Variants in ZFAND6 observed in about 807,000 individuals in gnomAD.
ZFAND6 encodes the protein AN1-type zinc finger protein 6.
Under a neutral mutation model 24.5 loss-of-function variants are expected in ZFAND6, and 12 were observed. The observed-to-expected ratio is 0.49, with a 90% CI of 0.31 to 0.79. The LOEUF (loss-of-function observed/expected upper bound fraction) is 0.79, where lower values mean the gene tolerates loss of function less well. ZFAND6 is among the 30% of genes least tolerant of loss of function. The probability of loss-of-function intolerance (pLI) is 0.04; values close to 1 mark genes in which losing one functional copy is unlikely to be tolerated. For synonymous variants in ZFAND6, 92 were observed against 81.5 expected (o/e 1.13, Z -0.69); for missense variants, 207 against 245.9 (o/e 0.84, Z 1.06).
chr15:80,133,152 T>C (rs965702435), intron 6 of ZFAND6, among the ~76,000 whole-genome samples: 2 of 151,882 alleles, frequency 1.3e-5, no homozygotes, highest in Non-Finnish European at 2.9e-5. Context: ...AGCTGGAGAC[T>C]TTAATGCCAG....
intron 1 of ZFAND6, among the ~76,000 whole-genome samples, chr15:80,070,592 A>T (rs2036921069): frequency 6.6e-6 from 1 of 152,186 alleles, no homozygotes; most frequent in African/African-American, 2.4e-5. Context: ...TCTTAAAATG[A>T]TCCGGAATCA....
At chr15:80,103,172 T>C (rs920104094) in intron 2 of ZFAND6, among the ~76,000 whole-genome samples, 4 of 152,214 alleles carry the variant, frequency 2.6e-5, no homozygotes, top group Admixed American at 6.5e-5. Flanking sequence ...GAATGGCATG[T>C]GTAACTTCAG....
chr15:80,117,697 A>T (rs1167542514), intron 2 of ZFAND6, among the ~76,000 whole-genome samples: 1 of 152,180 alleles, frequency 6.6e-6, no homozygotes, highest in Middle Eastern at 3.2e-3. Context: ...CCGGTTTGTC[A>T]TGTAAAATGT....
chr15:80,063,346 G>A (rs2036434455), intron 1 of ZFAND6, among the ~76,000 whole-genome samples: 1 of 152,086 alleles, frequency 6.6e-6, no homozygotes, highest in Non-Finnish European at 1.5e-5. Flanking sequence ...AATTTGGTGT[G>A]TATTTTCCAC....
chr15:80,123,468 A>G (rs1158446148), intron 5 of ZFAND6, among the ~76,000 whole-genome samples: 2 of 152,232 alleles, frequency 1.3e-5, no homozygotes, highest in Non-Finnish European at 2.9e-5. Context: ...GTAACAAGGA[A>G]GGATCTCTGG....
At chr15:80,066,604 C>T (rs1477720414) in intron 1 of ZFAND6, among the ~76,000 whole-genome samples, 3 of 152,172 alleles carry the variant, frequency 2.0e-5, no homozygotes, top group African/African-American at 7.2e-5. Context: ...TGAGCCACCA[C>T]GCCCAGCCGA....
At chr15:80,107,874 G>C (rs2039417245) in intron 2 of ZFAND6, among the ~76,000 whole-genome samples, 1 of 148,660 alleles carries the variant, frequency 6.7e-6, no homozygotes, top group Non-Finnish European at 1.5e-5. Flanking sequence ...GGGTTGGGAG[G>C]GCAGCGGGGA....
chr15:80,136,992 G>T (rs1396665910), intron 6 of ZFAND6, among the ~76,000 whole-genome samples: 1 of 152,162 alleles, frequency 6.6e-6, no homozygotes, highest in Admixed American at 6.5e-5. Context: ...TCTAGATCCC[G>T]TGCTCTTCAC....
At chr15:80,069,623 GTTATTTATTTAT>G (rs59745016) in intron 1 of ZFAND6, among the ~76,000 whole-genome samples, 3 of 151,380 alleles carry the variant, frequency 2.0e-5, no homozygotes, top group African/African-American at 7.3e-5. Context: ...TTTATTTTTT[GTTATTTATTTAT>G]TTATTTATTT....
At position 80,137,495 on chromosome 15, in the gene ZFAND6, G is replaced by A. The variant is rs1004449731; in HGVS notation, c.494G>A (p.Cys165Tyr). 1.2e-6 allele frequency: 2 copies of A among 1,601,584 alleles called. No homozygotes were observed. The highest frequency in any genetic ancestry group is 1.3e-5 in the African/African-American group (1 of 74,094). ...KVGLTGFECR[C>Y]GNVYCGVHRY... ...CCATTTCCAGGGTTTGAATGCCGGT[G>A]TGGAAATGTTTACTGTGGTGTACAC... is the stretch of plus-strand genomic sequence containing the variant. The change falls in exon 7 of 7, where the codon TGT becomes TAT. Residue 165 changes from cysteine to tyrosine, a missense_variant. Cys to Tyr is a radical substitution (Grantham distance 194). Around this residue, in one of 3 missense-constraint regions of ZFAND6, gnomAD observed 45 missense variants for 67.7 expected, o/e 0.66. Transcript: ENST00000261749.
intron 2 of ZFAND6, among the ~76,000 whole-genome samples, chr15:80,105,022 T>C (rs16971741): frequency 0.017 from 2,643 of 152,266 alleles, 86 homozygotes; most frequent in African/African-American, 0.059. Flanking sequence ...CTGTTGCTTG[T>C]GGGTTTAAGT....
intron 1 of ZFAND6, among the ~76,000 whole-genome samples, chr15:80,082,619 A>G (rs1164359302): frequency 6.6e-6 from 1 of 152,206 alleles, no homozygotes; most frequent in Non-Finnish European, 1.5e-5. Context: ...TGGTATCTCA[A>G]TATCACTGTC....
chr15:80,098,626 C>T (rs2038865296), intron 2 of ZFAND6, 48 bp downstream of exon 2: 1 of 152,006 alleles, frequency 6.6e-6, no homozygotes, highest in South Asian at 2.1e-4. Flanking sequence ...GGCATAGTAA[C>T]TTAATTTTTT....
chr15:80,123,010 C>A, intron 5 of ZFAND6: 1 of 456,046 alleles, frequency 2.2e-6, no homozygotes, highest in Non-Finnish European at 3.9e-6. Context: ...ATAAATGTTG[C>A]AAATTCAAAA....
chr15:80,122,882 G>C (rs2040208737), intron 5 of ZFAND6, 82 bp downstream of exon 5: 7 of 1,068,892 alleles, frequency 6.5e-6, no homozygotes. Flanking sequence ...TAAAAAAATT[G>C]CCAGCTTAAA....
chr15:80,093,198 C>G (rs1383989723), intron 1 of ZFAND6, among the ~76,000 whole-genome samples: 1 of 151,838 alleles, frequency 6.6e-6, no homozygotes. Flanking sequence ...AACTCCTGAC[C>G]TCGTGATCCG....
At chr15:80,109,611 C>A (rs1567081841) in intron 2 of ZFAND6, among the ~76,000 whole-genome samples, 1 of 152,146 alleles carries the variant, frequency 6.6e-6, no homozygotes, top group Non-Finnish European at 1.5e-5. Flanking sequence ...GGGACCAGAT[C>A]ATGAAGAGCC....
intron 5 of ZFAND6, chr15:80,123,094 G>A (rs188075840): frequency 6.3e-5 from 15 of 237,446 alleles, no homozygotes; most frequent in African/African-American, 3.0e-4. Context: ...TATTTTGGCC[G>A]TTTCAGTCTA....
At chr15:80,077,614 C>G (rs2037357182) in intron 1 of ZFAND6, among the ~76,000 whole-genome samples, 1 of 151,212 alleles carries the variant, frequency 6.6e-6, no homozygotes, top group African/African-American at 2.4e-5. Flanking sequence ...AAATTATTAA[C>G]TATAGTTGGG....
Sources: gnomAD v4.1 joint callset for allele counts (sites outside exome capture counted in the v4.1 genomes callset) on GRCh38, gnomAD v4.1.1 for gene constraint, gnomAD v4.1.1 regional missense constraint, MANE v1.5 for transcripts, NCBI Gene and HGNC (gene_info 2026-07-23, HGNC 2026-07-21) for gene names.